The following RPS6KC1 variants were observed in gnomAD, a reference collection of about 807,000 sequenced individuals.
RPS6KC1 encodes the protein inactive ribosomal protein S6 kinase delta-1.
Under a neutral mutation model 103.8 loss-of-function variants are expected in RPS6KC1, and 54 were observed. That is an observed-to-expected ratio of 0.52 (90% CI 0.42 to 0.65). The LOEUF is 0.65. Among genes scored for constraint, RPS6KC1 ranks in the 30% least tolerant of loss-of-function variants. The pLI is 0.00. For missense variants in RPS6KC1, 1,151 were observed against 1,253.8 expected (o/e 0.92, Z 1.24); for synonymous variants, 439 against 438.7 (o/e 1.00, Z -0.01).
At chr1:213,213,094 T>G (rs977352290) in intron 8 of RPS6KC1, among the ~76,000 whole-genome samples, 1 of 152,240 alleles carries the variant, frequency 6.6e-6, no homozygotes, top group African/African-American at 2.4e-5. Context: ...CAATTGTTTC[T>G]TTCATACGAG....
chr1:213,531,992 G>A, the RPS6KC1 span, among the ~76,000 whole-genome samples: 3 of 152,142 alleles, frequency 2.0e-5, no homozygotes, highest in Non-Finnish European at 2.9e-5. Context: ...CCCTACCCTC[G>A]TTCCTAGCTC....
rs543265452 is a variant in RPS6KC1, at chr1:213,051,396, G to A, written c.-9G>A. 6.2e-7 allele frequency: 1 copy of A among 1,606,946 alleles called. No homozygotes were observed. The highest frequency in any genetic ancestry group is 1.1e-5 in the South Asian group (1 of 90,808). On this transcript the variant is annotated 5_prime_UTR_variant, in exon 1 of 15. Transcript: ENST00000366960. ...GGCGGGTGGCGGCGGCGGCAGAGGC[G>A]GCGGGAGGATGACCTCTTACCGGGA...
At chr1:213,592,838 G>A in the RPS6KC1 span, among the ~76,000 whole-genome samples, 1 of 152,186 alleles carries the variant, frequency 6.6e-6, no homozygotes, top group Non-Finnish European at 1.5e-5. Flanking sequence ...ACATTGACAA[G>A]CCAATCGATT....
At chr1:213,491,603 G>A in the RPS6KC1 span, among the ~76,000 whole-genome samples, 6 of 152,188 alleles carry the variant, frequency 3.9e-5, no homozygotes, top group African/African-American at 7.2e-5. Context: ...CAGGAGCAAG[G>A]CGTTGCCTTT....
chr1:213,386,283 C>T, the RPS6KC1 span, among the ~76,000 whole-genome samples: 1 of 152,180 alleles, frequency 6.6e-6, no homozygotes, highest in South Asian at 2.1e-4. Context: ...CCCAGTCTTC[C>T]AGCCAGCAGA....
At chr1:213,344,201 T>C in the RPS6KC1 span, among the ~76,000 whole-genome samples, 1 of 152,084 alleles carries the variant, frequency 6.6e-6, no homozygotes, top group Non-Finnish European at 1.5e-5. Flanking sequence ...CTGCCAGCTG[T>C]GCAACAGACC....
At chr1:213,679,989 G>T in the RPS6KC1 span, among the ~76,000 whole-genome samples, 2 of 152,090 alleles carry the variant, frequency 1.3e-5, no homozygotes, top group African/African-American at 4.8e-5. Context: ...ATTATAGAAA[G>T]ATTTGCTTTA....
the RPS6KC1 span, among the ~76,000 whole-genome samples, chr1:213,629,048 A>AGTGTGG: frequency 6.6e-6 from 1 of 152,202 alleles, no homozygotes; most frequent in African/African-American, 2.4e-5. Flanking sequence ...GCTAAGAAGA[A>AGTGTGG]TGTAGATTCT....
At chr1:213,411,091 C>T in the RPS6KC1 span, among the ~76,000 whole-genome samples, 7 of 152,270 alleles carry the variant, frequency 4.6e-5, no homozygotes, top group South Asian at 6.2e-4. Flanking sequence ...GGTTAGAGCA[C>T]GCAGCCTTCA....
the RPS6KC1 span, among the ~76,000 whole-genome samples, chr1:213,465,440 C>T: frequency 6.6e-6 from 1 of 152,180 alleles, no homozygotes; most frequent in African/African-American, 2.4e-5. Context: ...CCAGGTATCA[C>T]TCACTAGTTT....
the RPS6KC1 span, among the ~76,000 whole-genome samples, chr1:213,814,610 C>T: frequency 3.9e-5 from 6 of 152,178 alleles, no homozygotes; most frequent in Admixed American, 1.3e-4. Context: ...ATCTTCTTAT[C>T]AGTAAAATCC....
the RPS6KC1 span, among the ~76,000 whole-genome samples, chr1:213,730,511 C>G: frequency 6.6e-6 from 1 of 152,200 alleles, no homozygotes; most frequent in African/African-American, 2.4e-5. Context: ...TTTCATTTCT[C>G]TAATGATCAG....
the RPS6KC1 span, among the ~76,000 whole-genome samples, chr1:213,383,621 T>G: frequency 6.6e-6 from 1 of 152,178 alleles, no homozygotes; most frequent in African/African-American, 2.4e-5. Context: ...ATGACTGTAT[T>G]TGGAGACCGG....
the RPS6KC1 span, among the ~76,000 whole-genome samples, chr1:213,681,723 G>A: frequency 3.4e-3 from 518 of 152,212 alleles, 4 homozygotes; most frequent in African/African-American, 0.012. Context: ...GCTTGAATAT[G>A]GGAGTTTGAG....
At chr1:213,386,937 T>G in the RPS6KC1 span, among the ~76,000 whole-genome samples, 2 of 152,356 alleles carry the variant, frequency 1.3e-5, no homozygotes, top group East Asian at 3.9e-4. Context: ...ATCAAGGCCT[T>G]TAGACACGAT....
the RPS6KC1 span, among the ~76,000 whole-genome samples, chr1:213,351,465 G>A: frequency 6.6e-6 from 1 of 152,188 alleles, no homozygotes; most frequent in Admixed American, 6.5e-5. Context: ...GAGAAGATCT[G>A]TGCATCTTTT....
chr1:213,579,681 C>CTGG, the RPS6KC1 span, among the ~76,000 whole-genome samples: 4 of 152,026 alleles, frequency 2.6e-5, no homozygotes, highest in African/African-American at 9.7e-5. Flanking sequence ...GCTAATGCAG[C>CTGG]TGGTGACTTA....
At chr1:213,822,011 A>G in the RPS6KC1 span, 1 of 152,228 alleles carries the variant, frequency 6.6e-6, no homozygotes, top group Non-Finnish European at 1.5e-5. Context: ...AAATCAAACC[A>G]TCAAGGTTGC....
the RPS6KC1 span, among the ~76,000 whole-genome samples, chr1:213,459,443 C>G: frequency 6.6e-6 from 1 of 152,016 alleles, no homozygotes; most frequent in Non-Finnish European, 1.5e-5. Flanking sequence ...GCGATGATAA[C>G]CCTTTTATCA....
Sources: allele counts gnomAD v4.1 joint callset (sites outside exome capture counted in the v4.1 genomes callset), GRCh38; gene constraint gnomAD v4.1.1; transcripts MANE v1.5; gene names NCBI Gene and HGNC (gene_info 2026-07-23, HGNC 2026-07-21).